The following PDZD2 variants were observed in gnomAD, a reference collection of about 807,000 sequenced individuals.
PDZD2 encodes the protein PDZ domain-containing protein 2.
PDZD2 carries 90 observed loss-of-function variants against 220.7 expected under a neutral mutation model. The observed-to-expected ratio is 0.41, with a 90% CI of 0.34 to 0.49. The LOEUF (loss-of-function observed/expected upper bound fraction) is 0.49, where lower values mean the gene tolerates loss of function less well. PDZD2 is among the 20% of genes least tolerant of loss of function. The pLI is 0.28. For missense variants in PDZD2, 3,174 were observed against 3,608.5 expected (o/e 0.88, Z 3.08); for synonymous variants, 1,375 against 1,450.5 (o/e 0.95, Z 1.18).
chr5:31,802,871 G>A (rs1754475909), intron 2 of PDZD2, among the ~76,000 whole-genome samples: 1 of 134,370 alleles, frequency 7.4e-6, no homozygotes. Context: ...AGTGAGCCGA[G>A]ATTGCGCCAC....
chr5:32,042,300 G>A (rs1470572269), intron 7 of PDZD2, among the ~76,000 whole-genome samples: 5 of 150,464 alleles, frequency 3.3e-5, no homozygotes, highest in African/African-American at 4.9e-5. Context: ...GGTGGCTCAC[G>A]CCTGTAATCC....
At chr5:32,002,167 C>T (rs1752183382) in intron 5 of PDZD2, among the ~76,000 whole-genome samples, 1 of 152,160 alleles carries the variant, frequency 6.6e-6, no homozygotes, top group Admixed American at 6.5e-5. Context: ...TTCTTTACAC[C>T]TTTTACCCCA....
intron 2 of PDZD2, among the ~76,000 whole-genome samples, chr5:31,958,259 GT>G (rs33934260): frequency 0.63 from 92,372 of 146,460 alleles, 29,053 homozygotes; most frequent in East Asian, 0.83. Context: ...TTTGCTTTTT[GT>G]TTTTTTTTTT....
chr5:32,051,655 T>G (rs74811943), intron 8 of PDZD2, among the ~76,000 whole-genome samples: 1 of 152,200 alleles, frequency 6.6e-6, no homozygotes, highest in African/African-American at 2.4e-5. Context: ...CTTACACGCG[T>G]GTATATTATG....
intron 3 of PDZD2, among the ~76,000 whole-genome samples, chr5:31,989,691 C>T (rs377029035): frequency 4.6e-5 from 7 of 152,038 alleles, no homozygotes; most frequent in East Asian, 3.8e-4. Context: ...CCCAAAGTGC[C>T]GGGATTACAG....
chr5:31,961,451 C>T (rs1581166045), intron 2 of PDZD2, among the ~76,000 whole-genome samples: 1 of 152,090 alleles, frequency 6.6e-6, no homozygotes, highest in African/African-American at 2.4e-5. Context: ...GAGAGGATCC[C>T]TTGAGCTCAG....
intron 4 of PDZD2, among the ~76,000 whole-genome samples, chr5:31,996,173 A>G (rs1308099632): frequency 6.6e-6 from 1 of 152,210 alleles, no homozygotes; most frequent in Non-Finnish European, 1.5e-5. Context: ...CAGGTCTATC[A>G]GGATTTCAGG....
rs555068599 is a variant in PDZD2, at chr5:32,088,492, A to G, written c.5044A>G (p.Ile1682Val). The G allele has an allele frequency of 6.2e-7, 1 of 1,614,192 alleles. No individual in the cohort carries two copies. Among genetic ancestry groups the G allele is most frequent in the African/African-American group, 1.3e-5 (1 of 75,062 alleles). Reference protein sequence around the residue: ...SSQEHETHADISTSQNHRPSC... With the variant: ...SSQEHETHADVSTSQNHRPSC... ...TCAGGAGCATGAAACTCATGCGGAC[A>G]TAAGCACTTCACAGAACCACAGGCC... The change falls in exon 20 of 25, where the codon ATA (isoleucine) becomes GTA (valine). Residue 1682 changes from isoleucine (I) to valine (V), a missense_variant. Physicochemically the swap from Ile to Val is conservative, Grantham distance 29. Transcript: ENST00000438447. This position sits in a 1 kb window ranked among gnomAD's most constrained non-coding sequence, Gnocchi z 4.6.
At chr5:32,047,060 C>G (rs1738041795) in intron 7 of PDZD2, among the ~76,000 whole-genome samples, 1 of 151,304 alleles carries the variant, frequency 6.6e-6, no homozygotes, top group Admixed American at 6.6e-5. Flanking sequence ...AAGAAAACAC[C>G]AATAAATAAA....
At chr5:32,084,948 C>CTTTTTTTTTTTTTT (rs745430355) in intron 19 of PDZD2, among the ~76,000 whole-genome samples, 3 of 94,492 alleles carry the variant, frequency 3.2e-5, no homozygotes, top group Non-Finnish European at 6.0e-5. Flanking sequence ...ATTCTGTTGC[C>CTTTTTTTTTTTTTT]TTTTTTTTTT....
At position 32,058,031 on chromosome 5, in the gene PDZD2, A is replaced by C; in HGVS notation, c.2128A>C (p.Ser710Arg). 6.2e-7 allele frequency: 1 copy of C among 1,612,406 alleles called. No individual in the cohort carries two copies. Among genetic ancestry groups the C allele is most frequent in the Non-Finnish European group, 8.5e-7 (1 of 1,178,424 alleles). Residue 710 changes from serine to arginine, a missense_variant, in exon 12 of 25, where the codon AGT becomes CGT. Transcript: ENST00000438447. Reference sequence around the variant, plus strand: ...CTCAGCGGGAGGTTCCGATGAAGGCAGTTCTTCATCCCTGGGTCGGAAGAC... The same window carrying C: ...CTCAGCGGGAGGTTCCGATGAAGGCCGTTCTTCATCCCTGGGTCGGAAGAC... ...GASAGGSDEG[S>R]SSSLGRKTPG...
At chr5:31,678,083 A>G (rs187188923) in intron 1 of PDZD2, among the ~76,000 whole-genome samples, 2 of 152,342 alleles carry the variant, frequency 1.3e-5, no homozygotes, top group East Asian at 1.9e-4. Flanking sequence ...TCAATTATAC[A>G]TCAGTAAAGG....
chr5:31,716,965 G>T (rs1748488658), intron 1 of PDZD2, among the ~76,000 whole-genome samples: 1 of 152,056 alleles, frequency 6.6e-6, no homozygotes, highest in Non-Finnish European at 1.5e-5. Flanking sequence ...CGGTGAGAGG[G>T]GATAGGAAGG....
At chr5:32,099,471 T>G (rs916860272) in intron 23 of PDZD2, 1 of 152,284 alleles carries the variant, frequency 6.6e-6, no homozygotes, top group Non-Finnish European at 1.5e-5. Context: ...CCGATTCCAT[T>G]TAACAAATGA....
intron 8 of PDZD2, among the ~76,000 whole-genome samples, 163 bp downstream of exon 8, chr5:32,048,847 C>G (rs1272964763): frequency 6.6e-6 from 1 of 152,150 alleles, no homozygotes; most frequent in Non-Finnish European, 1.5e-5. Flanking sequence ...AGAAGTCAGC[C>G]TAATACTTGA....
intron 2 of PDZD2, among the ~76,000 whole-genome samples, chr5:31,917,222 C>T (rs1054732294): frequency 1.3e-5 from 2 of 152,184 alleles, no homozygotes; most frequent in Admixed American, 1.3e-4. Context: ...ATATTGTAAA[C>T]TTGTGGCCAA....
chr5:31,988,459 C>CTCCTGGCATGTGGATGTATTCACCA (rs1750899748), intron 3 of PDZD2, among the ~76,000 whole-genome samples: 1 of 140,798 alleles, frequency 7.1e-6, no homozygotes, highest in Non-Finnish European at 1.5e-5. Context: ...GTGCATCACC[C>CTCCTGGCATGTGGATGTATTCACCA]TCCTGGCATG....
chr5:31,943,114 A>G (rs1746349328), intron 2 of PDZD2, among the ~76,000 whole-genome samples: 1 of 152,030 alleles, frequency 6.6e-6, no homozygotes, highest in African/African-American at 2.4e-5. Flanking sequence ...GAGGCAGGAG[A>G]ATCTCTTGAA....
intron 2 of PDZD2, among the ~76,000 whole-genome samples, chr5:31,808,935 C>T (rs1754907451): frequency 6.6e-6 from 1 of 151,726 alleles, no homozygotes; most frequent in African/African-American, 2.4e-5. Context: ...GCCGAGATCA[C>T]ACCACTGCAC....
Sources: gnomAD v4.1 joint callset for allele counts (sites outside exome capture counted in the v4.1 genomes callset) on GRCh38, gnomAD v4.1.1 for gene constraint, Gnocchi (gnomAD v3.1) non-coding constraint, MANE v1.5 for transcripts, NCBI Gene and HGNC (gene_info 2026-07-23, HGNC 2026-07-21) for gene names.